NAP1L4: variants seen among roughly 807,000 people sequenced by gnomAD.
NAP1L4 encodes the protein nucleosome assembly protein 1-like 4.
Under a neutral mutation model 58.2 loss-of-function variants are expected in NAP1L4, and 15 were observed. That is an observed-to-expected ratio of 0.26 (90% CI 0.17 to 0.40). The LOEUF is 0.40. Among genes scored for constraint, NAP1L4 ranks in the 10% least tolerant of loss-of-function variants. The pLI is 1.00. For synonymous variants in NAP1L4, 171 were observed against 155.6 expected, an observed-to-expected ratio of 1.10 and a Z score of -0.74; for missense variants, 384 against 451.1, an observed-to-expected ratio of 0.85 and a Z score of 1.35.
intron 7 of NAP1L4, among the ~76,000 whole-genome samples, chr11:2,965,508 T>C (rs1473068037): frequency 1.3e-5 from 2 of 152,218 alleles, no homozygotes; most frequent in Non-Finnish European, 2.9e-5. Flanking sequence ...AAATGTGTTA[T>C]GTGGCTCATG....
intron 1 of NAP1L4, among the ~76,000 whole-genome samples, chr11:2,984,446 C>T (rs1485474289): frequency 1.3e-5 from 2 of 152,022 alleles, no homozygotes; most frequent in African/African-American, 4.8e-5. Flanking sequence ...TGGCGCATGC[C>T]TGTAATCTCA....
chr11:2,990,791 T>C (rs577242195), intron 1 of NAP1L4: 1 of 205,746 alleles, frequency 4.9e-6, no homozygotes, highest in African/African-American at 2.3e-5. Flanking sequence ...GTTATTAGAT[T>C]ATGAAATGAG....
chr11:2,982,272 T>C (rs1460443829), intron 1 of NAP1L4, among the ~76,000 whole-genome samples: 2 of 152,186 alleles, frequency 1.3e-5, no homozygotes, highest in South Asian at 2.1e-4. Flanking sequence ...CACAATAACA[T>C]CAACTGTAAT....
At position 2,955,884 on chromosome 11, in the gene NAP1L4, T is replaced by A; in HGVS notation, c.893-118A>T. On this transcript the variant is annotated intron_variant, in intron 10 of 15. Transcript: ENST00000380542. The surrounding 1 kb of genome is among the most constrained non-coding windows in gnomAD (Gnocchi z 4.2). ...AATGTAACATTTCTCACCTCGAGGT[T>A]TAACAGAAATCCCCAAAGCCTTGCA... 1.1e-6 allele frequency: 1 copy of A among 900,254 alleles called. No homozygotes were observed. The highest frequency in any genetic ancestry group is 2.4e-5 in the Admixed American group (1 of 42,546). 55.8% of individuals were successfully genotyped at this position (900,254 alleles called of 1,614,324 possible).
intron 1 of NAP1L4, among the ~76,000 whole-genome samples, chr11:2,988,694 T>A (rs1421218619): frequency 6.6e-6 from 1 of 152,226 alleles, no homozygotes; most frequent in Non-Finnish European, 1.5e-5. Flanking sequence ...CTTTTCCAGA[T>A]AATGCACAGC....
intron 12 of NAP1L4, among the ~76,000 whole-genome samples, chr11:2,953,544 T>C (rs879472500): frequency 6.6e-6 from 1 of 152,246 alleles, no homozygotes; most frequent in Non-Finnish European, 1.5e-5. Flanking sequence ...TGTAAAACTA[T>C]GTCTTGGCAG....
At position 2,951,209 on chromosome 11, in the gene NAP1L4, C is replaced by T. The variant is rs2071118; in HGVS notation, c.1122+50G>A. The T allele has an allele frequency of 0.033, 48,047 of 1,440,284 alleles. 1,535 individuals are homozygous for T. The highest frequency in any genetic ancestry group is 0.12 in the South Asian group (10,108 of 85,516). The allele number at this position is 1,440,284 out of a possible 1,614,324, so 89.2% of individuals were successfully genotyped here. ...CAAAGTGGGGAACATTTTTAAAAGTCTAAGAGTGCAGCATAATAAGTAGGT... is the reference window on the plus strand; with the variant it reads ...CAAAGTGGGGAACATTTTTAAAAGTTTAAGAGTGCAGCATAATAAGTAGGT... On this transcript the variant is annotated intron_variant, in intron 14 of 15. Transcript: ENST00000380542. This position sits in a 1 kb window ranked among gnomAD's most constrained non-coding sequence, Gnocchi z 4.0.
At position 2,976,128 on chromosome 11, in the gene NAP1L4, G is replaced by A. The variant is rs754537479; in HGVS notation, c.74-5C>T. The A allele has an allele frequency of 3.7e-6, 6 of 1,610,020 alleles. No individual in the cohort carries two copies. In the African/African-American group the frequency reaches 4.0e-5, roughly 11 times the overall value. On this transcript the variant is annotated splice_region_variant and splice_polypyrimidine_tract_variant and intron_variant, in intron 3 of 15. Coordinates refer to ENST00000380542, the MANE Select transcript of NAP1L4 (RefSeq NM_005969.4). ...TCACCTGATCTGTGAGCTTTTCTAT[G>A]AAGAGTTAAGACCAAACATATTTAA...
At chr11:2,975,736 G>A (rs1001464182) in intron 4 of NAP1L4, among the ~76,000 whole-genome samples, 3 of 151,858 alleles carry the variant, frequency 2.0e-5, no homozygotes, top group Admixed American at 6.6e-5. Context: ...GCCACCAGCT[G>A]TCCTCTCCAA....
intron 4 of NAP1L4, 180 bp from the exon 5 acceptor site, chr11:2,972,423 G>C (rs567174264): frequency 2.3e-6 from 1 of 429,722 alleles, no homozygotes; most frequent in Non-Finnish European, 4.0e-6. Flanking sequence ...ACAGGAGGAA[G>C]CAGAAAAAAT....
intron 6 of NAP1L4, 145 bp from the exon 7 acceptor site, chr11:2,970,079 G>C (rs1265909767): frequency 5.5e-6 from 4 of 721,488 alleles, no homozygotes. Flanking sequence ...CCACTCACTG[G>C]GCCACGCGAC....
rs1333012036 is a variant in NAP1L4, at chr11:2,949,227, C to T, written c.*32G>A. The T allele has an allele frequency of 1.9e-6, 3 of 1,591,244 alleles. No individual in the cohort carries two copies. The highest frequency in any genetic ancestry group is 1.7e-6 in the Non-Finnish European group (2 of 1,159,514). On this transcript the variant is annotated splice_region_variant and 3_prime_UTR_variant, in exon 15 of 16. Coordinates refer to ENST00000380542, the MANE Select transcript of NAP1L4 (RefSeq NM_005969.4). This position sits in a 1 kb window ranked among gnomAD's most constrained non-coding sequence, Gnocchi z 4.0. The stretch of plus-strand genomic sequence containing the variant: ...AGGTATGAATGGAATTCCACCTTAC[C>T]TAGAAACGTATGAATGATTAACAGA...
Position 2,945,658 on chromosome 11 carries a change from A to AAGAC in NAP1L4, c.*33-13_*33-12insGTCT. On this transcript the variant is annotated splice_polypyrimidine_tract_variant and intron_variant, in intron 15 of 15. Transcript: ENST00000380542. Reference sequence around the variant, plus strand: ...TGGCTGGGTTCCTTCTGTCAATGAAAAAGACAAGGCTTGTAGAGAGCAAAG... The same window carrying AAGAC: ...TGGCTGGGTTCCTTCTGTCAATGAAAAGACAAGACAAGGCTTGTAGAGAGCAAAG... 1.3e-6 allele frequency: 2 copies of AAGAC among 1,535,934 alleles called. No individual in the cohort carries two copies. Among genetic ancestry groups the AAGAC allele is most frequent in the Non-Finnish European group, 1.7e-6 (2 of 1,146,752 alleles).
Position 2,971,391 on chromosome 11 carries a change from T to C in NAP1L4, c.402+57A>G. The C allele has an allele frequency of 2.1e-6, 3 of 1,463,268 alleles. No homozygotes were observed. Among genetic ancestry groups the C allele is most frequent in the Non-Finnish European group, 2.8e-6 (3 of 1,055,406 alleles). 90.6% of individuals were successfully genotyped at this position (1,463,268 alleles called of 1,614,324 possible). On this transcript the variant is annotated intron_variant, in intron 6 of 15. Transcript: ENST00000380542. This position sits in a 1 kb window ranked among gnomAD's most constrained non-coding sequence, Gnocchi z 4.2. ...CTAGTCATTAAAAATCATTAAAAAA[T>C]GCTTATTTTTAACAGTATTAAAACA...
chr11:2,976,177 C>A (rs1385667987), intron 3 of NAP1L4, 54 bp from the exon 4 acceptor site: 2 of 1,391,720 alleles, frequency 1.4e-6, no homozygotes, highest in Non-Finnish European at 2.0e-6. Context: ...CACACAATAG[C>A]CAAGAGTCAA....
intron 1 of NAP1L4, among the ~76,000 whole-genome samples, chr11:2,982,000 T>G (rs1848348790): frequency 6.6e-6 from 1 of 152,200 alleles, no homozygotes; most frequent in African/African-American, 2.4e-5. Context: ...ATATTCTAAA[T>G]GCAAGGTGTG....
At chr11:2,972,330 T>A (rs1847687346) in intron 4 of NAP1L4, 87 bp from the exon 5 acceptor site, 88 of 1,244,828 alleles carry the variant, frequency 7.1e-5, no homozygotes, top group Non-Finnish European at 9.2e-5. Flanking sequence ...AAATTTAGGT[T>A]AACATGGAAT....
intron 4 of NAP1L4, among the ~76,000 whole-genome samples, chr11:2,975,392 T>C (rs78131830): frequency 0.016 from 2,389 of 152,114 alleles, 69 homozygotes; most frequent in African/African-American, 0.055. Context: ...ACCACCCTTA[T>C]CATTTTCATA....
Position 2,971,411 on chromosome 11 carries a change from A to G in NAP1L4, c.402+37T>C, listed in dbSNP as rs1847629220. The G allele has an allele frequency of 6.4e-7, 1 of 1,574,430 alleles. No homozygotes were observed. Among genetic ancestry groups the G allele is most frequent in the Non-Finnish European group, 8.7e-7 (1 of 1,147,062 alleles). ...AAAAATGCTTATTTTTAACAGTATT[A>G]AAACAGAACATGAGTCACATGTTTC... is the stretch of plus-strand genomic sequence containing the variant. On this transcript the variant is annotated intron_variant, in intron 6 of 15. Coordinates refer to ENST00000380542, the MANE Select transcript of NAP1L4 (RefSeq NM_005969.4). The surrounding 1 kb of genome is among the most constrained non-coding windows in gnomAD (Gnocchi z 4.2).
Sources: allele counts gnomAD v4.1 joint callset (sites outside exome capture counted in the v4.1 genomes callset), GRCh38; gene constraint gnomAD v4.1.1; non-coding constraint Gnocchi (gnomAD v3.1); transcripts MANE v1.5; gene names NCBI Gene and HGNC (gene_info 2026-07-23, HGNC 2026-07-21).